The following ROPN1L variants were observed in gnomAD, a reference collection of about 807,000 sequenced individuals.
ROPN1L encodes the protein rhophilin associated tail protein 1 like.
A neutral mutation model predicts 22.7 loss-of-function variants in ROPN1L; 23 were observed. The observed-to-expected ratio is 1.01, with a 90% CI of 0.73 to 1.43. The LOEUF is 1.43. ROPN1L is among the 40% of genes most tolerant of loss of function. ROPN1L has a pLI of 0.00. For synonymous variants in ROPN1L, 116 were observed against 117.8 expected (o/e 0.98, Z 0.10); for missense variants, 271 against 291.5 (o/e 0.93, Z 0.51).
chr5:10,442,292 C>G lies in ROPN1L; in HGVS notation c.125C>G (p.Ser42Cys). The G allele has an allele frequency of 6.2e-7, 1 of 1,613,256 alleles. No homozygotes were observed. Among genetic ancestry groups the G allele is most frequent in the African/African-American group, 1.3e-5 (1 of 75,076 alleles). The change falls in exon 1 of 5, where the codon TCC becomes TGC. Residue 42 changes from serine (S) to cysteine (C), a missense_variant. By Grantham distance (112) the Ser-to-Cys change is moderately radical (BLOSUM62 -1). Coordinates refer to ENST00000274134, the MANE Select transcript of ROPN1L (RefSeq NM_031916.5). ...RTQPADVLRW[S>C]AGYFSALSRG... ...CAGCCGGCCGACGTGCTGCGGTGGTCCGCGGGGTAAGCGCCCTTGGCCCGG... is the reference window on the plus strand; with the variant it reads ...CAGCCGGCCGACGTGCTGCGGTGGTGCGCGGGGTAAGCGCCCTTGGCCCGG...
In ROPN1L at chr5:10,461,045, C is replaced by T. The variant is rs950650631; in HGVS notation, c.418-139C>T. 27 of 681,228 alleles carry T rather than the reference C, an allele frequency of 4.0e-5. No individual in the cohort carries two copies. In the African/African-American group the frequency reaches 4.8e-4, roughly 12 times the overall value. 42.2% of individuals were successfully genotyped at this position (681,228 alleles called of 1,614,324 possible). A position where few individuals can be genotyped will look rare whatever the true frequency, so the allele number is the denominator to read the frequency against. On this transcript the variant is annotated intron_variant, in intron 3 of 4. Transcript: ENST00000274134. The stretch of plus-strand genomic sequence containing the variant: ...ATGGCAATTGTACATTCACCTAGTT[C>T]TCAGTTCAGATGGAGCACATACTTT...
At chr5:10,443,812 T>C (rs1740969230) in intron 1 of ROPN1L, among the ~76,000 whole-genome samples, 1 of 152,206 alleles carries the variant, frequency 6.6e-6, no homozygotes, top group South Asian at 2.1e-4. Flanking sequence ...ACGCCTTGGC[T>C]CATGTCCCCT....
At chr5:10,467,354 G>C (rs1103930), downstream of ROPN1L, among the ~76,000 whole-genome samples, 29,511 of 151,738 alleles carry the variant, frequency 0.19, 4,088 homozygotes, top group East Asian at 0.67. Flanking sequence ...AAAAGTATGT[G>C]AGACAGATCT....
chr5:10,445,694 G>C (rs1579641311), intron 1 of ROPN1L, among the ~76,000 whole-genome samples: 1 of 152,218 alleles, frequency 6.6e-6, no homozygotes, highest in African/African-American at 2.4e-5. Flanking sequence ...GGGAGGACGA[G>C]GCGGACAGGT....
downstream of ROPN1L, among the ~76,000 whole-genome samples, chr5:10,472,476 G>T (rs762286655): frequency 3.3e-5 from 5 of 152,178 alleles, no homozygotes; most frequent in Admixed American, 6.5e-5. Context: ...TTTTCGGCTT[G>T]GTGCTGGGAG....
At chr5:10,451,821 A>T (rs1741258919) in intron 3 of ROPN1L, among the ~76,000 whole-genome samples, 1 of 152,242 alleles carries the variant, frequency 6.6e-6, no homozygotes, top group Non-Finnish European at 1.5e-5. Context: ...ACAGGTGCAG[A>T]TGGCACCAGG....
chr5:10,469,494 GAAA>G (rs889357803), downstream of ROPN1L, among the ~76,000 whole-genome samples: 1 of 151,578 alleles, frequency 6.6e-6, no homozygotes, highest in Non-Finnish European at 1.5e-5. Flanking sequence ...CTCAAAAAAA[GAAA>G]AAAAAGTTCC....
chr5:10,452,399 C>A (rs973884221), intron 3 of ROPN1L, among the ~76,000 whole-genome samples: 19 of 144,790 alleles, frequency 1.3e-4, no homozygotes, highest in Admixed American at 5.6e-4. Context: ...TGCAGTGGTG[C>A]GATCTGGGCT....
chr5:10,448,152 A>G, intron 1 of ROPN1L, 108 bp from the exon 2 acceptor site: 1 of 1,298,820 alleles, frequency 7.7e-7, no homozygotes, highest in South Asian at 1.3e-5. Context: ...TGGTCTTCAG[A>G]GCTGTCCTTC....
chr5:10,450,736 TCAG>T (rs1741226749), intron 3 of ROPN1L, among the ~76,000 whole-genome samples: 1 of 152,200 alleles, frequency 6.6e-6, no homozygotes, highest in African/African-American at 2.4e-5. Flanking sequence ...ACTCCTGACC[TCAG>T]GTGATCTGCC....
At chr5:10,446,691 A>G (rs1161558179) in intron 1 of ROPN1L, among the ~76,000 whole-genome samples, 1 of 149,542 alleles carries the variant, frequency 6.7e-6, no homozygotes, top group African/African-American at 2.5e-5. Flanking sequence ...AGAAATTGCC[A>G]AATGCCTTTT....
chr5:10,464,256 G>A (rs141271236), intron 4 of ROPN1L, among the ~76,000 whole-genome samples: 1 of 152,088 alleles, frequency 6.6e-6, no homozygotes, highest in African/African-American at 2.4e-5. Flanking sequence ...GTGGAAGACC[G>A]CAGCTCCCAA....
At chr5:10,472,073 C>T (rs1043410605), downstream of ROPN1L, 1 of 152,198 alleles carries the variant, frequency 6.6e-6, no homozygotes, top group African/African-American at 2.4e-5. Flanking sequence ...ACAGTGCATA[C>T]GTTGTTTCTG....
At chr5:10,451,983 T>C (rs976394056) in intron 3 of ROPN1L, among the ~76,000 whole-genome samples, 7 of 87,472 alleles carry the variant, frequency 8.0e-5, no homozygotes, top group African/African-American at 2.5e-4. Context: ...TATCTATATC[T>C]GTATCTAGCT....
the ROPN1L span, among the ~76,000 whole-genome samples, chr5:10,478,603 C>T: frequency 6.6e-5 from 10 of 152,230 alleles, no homozygotes; most frequent in African/African-American, 1.9e-4. Flanking sequence ...TCTGTGCGTA[C>T]GACTGTGCAT....
chr5:10,442,549 T>A (rs1304459368), intron 1 of ROPN1L, among the ~76,000 whole-genome samples: 2 of 152,266 alleles, frequency 1.3e-5, no homozygotes, highest in Admixed American at 6.5e-5. Flanking sequence ...GGCAACTCAA[T>A]TGTTTAAAAG....
chr5:10,473,457 G>A (rs1735278108), downstream of ROPN1L, among the ~76,000 whole-genome samples: 1 of 152,158 alleles, frequency 6.6e-6, no homozygotes, highest in South Asian at 2.1e-4. Context: ...CCAGAAGTTG[G>A]AGGAAGCAAG....
At chr5:10,442,608 C>T (rs1420428004) in intron 1 of ROPN1L, among the ~76,000 whole-genome samples, 2 of 151,970 alleles carry the variant, frequency 1.3e-5, no homozygotes, top group East Asian at 3.9e-4. Context: ...TTGCATTGGG[C>T]AAAAAAGTGT....
intron 3 of ROPN1L, among the ~76,000 whole-genome samples, chr5:10,456,469 CAA>C (rs1561173080): frequency 1.3e-5 from 2 of 152,274 alleles, no homozygotes; most frequent in East Asian, 1.9e-4. Flanking sequence ...GCCTGGGTGA[CAA>C]GAGTAAAACT....
Sources: gnomAD v4.1 joint callset for allele counts (sites outside exome capture counted in the v4.1 genomes callset) on GRCh38, gnomAD v4.1.1 for gene constraint, MANE v1.5 for transcripts, NCBI Gene and HGNC (gene_info 2026-07-23, HGNC 2026-07-21) for gene names.